The following GLIS1 variants were observed in gnomAD, a reference collection of about 807,000 sequenced individuals.
GLIS1 encodes the protein zinc finger protein GLIS1.
In GLIS1, 24 loss-of-function variants were observed where a neutral mutation model predicts 63.8. The observed-to-expected ratio is 0.38, with a 90% confidence interval of 0.27 to 0.53. GLIS1 has a LOEUF of 0.53. GLIS1 is among the 20% of genes least tolerant of loss of function. GLIS1 has a pLI of 0.85. For synonymous variants in GLIS1, 450 were observed against 482.5 expected (o/e 0.93, Z 0.88); for missense variants, 1,036 against 1,074.1 (o/e 0.96, Z 0.50).
chr1:53,679,549 T>C (rs1035091638), intron 2 of GLIS1, among the ~76,000 whole-genome samples: 1 of 152,168 alleles, frequency 6.6e-6, no homozygotes, highest in Non-Finnish European at 1.5e-5. Flanking sequence ...TGGCCCCTCC[T>C]GTTCGGGCCC....
chr1:53,692,616 C>T (rs1646418129), intron 2 of GLIS1, among the ~76,000 whole-genome samples: 1 of 152,198 alleles, frequency 6.6e-6, no homozygotes, highest in Admixed American at 6.5e-5. Flanking sequence ...TTCTCAGCCA[C>T]TGTGGGTGTA....
intron 2 of GLIS1, among the ~76,000 whole-genome samples, chr1:53,697,277 C>A (rs750946304): frequency 5.3e-5 from 8 of 152,236 alleles, no homozygotes; most frequent in Non-Finnish European, 1.0e-4. Context: ...GAGACTCCCC[C>A]TGCCTACTGG....
rs376038782 is a variant in GLIS1 at position 53,514,713 on chromosome 1, C to G, written c.1795G>C (p.Val599Leu). 1.9e-6 allele frequency: 3 copies of G among 1,613,190 alleles called. No individual in the cohort carries two copies. Among genetic ancestry groups the G allele is most frequent in the African/African-American group, 2.7e-5 (2 of 74,866 alleles). The change falls in exon 8 of 11, where the codon GTA (valine) becomes CTA (leucine). Residue 599 changes from valine to leucine, a missense_variant. Val to Leu is a conservative substitution (Grantham distance 32). Transcript: ENST00000628545. ...TCCAGCGGGTGGTGCCTGGAAGGTA[C>G]GTCGTGCGCTGGGGGCAGGAGGCCC... ...ASGLLPPAHD[V>L]PSRHHPLDAT...
chr1:53,623,503 T>C (rs1345588869), intron 2 of GLIS1, among the ~76,000 whole-genome samples: 2 of 152,188 alleles, frequency 1.3e-5, no homozygotes, highest in Non-Finnish European at 2.9e-5. Context: ...CCGCACTCAC[T>C]ACTTCTATTT....
At chr1:53,580,002 C>G (rs1569860254) in intron 4 of GLIS1, among the ~76,000 whole-genome samples, 1 of 152,192 alleles carries the variant, frequency 6.6e-6, no homozygotes, top group Non-Finnish European at 1.5e-5. Flanking sequence ...GAGACCAGAA[C>G]AAGGAAAATG....
chr1:53,730,617 G>A (rs1052761581), intron 2 of GLIS1, among the ~76,000 whole-genome samples: 9 of 152,122 alleles, frequency 5.9e-5, no homozygotes, highest in African/African-American at 1.9e-4. Context: ...TGGGCTGTAC[G>A]GCAGGCAGGG....
intron 4 of GLIS1, among the ~76,000 whole-genome samples, chr1:53,551,917 T>C (rs1644764029): frequency 6.6e-6 from 1 of 151,888 alleles, no homozygotes. Flanking sequence ...GACATACATG[T>C]ACCTAACTGC....
chr1:53,720,879 T>C (rs1320681227), intron 2 of GLIS1, among the ~76,000 whole-genome samples: 2 of 152,036 alleles, frequency 1.3e-5, no homozygotes, highest in African/African-American at 4.8e-5. Context: ...GAGTCTGTAG[T>C]CCCAGCTACC....
chr1:53,622,748 C>T (rs1012942081), intron 2 of GLIS1, among the ~76,000 whole-genome samples: 5 of 152,164 alleles, frequency 3.3e-5, no homozygotes, highest in African/African-American at 1.2e-4. Flanking sequence ...GATTCTCCCC[C>T]GGAGCCTCCA....
intron 8 of GLIS1, among the ~76,000 whole-genome samples, chr1:53,512,961 C>T (rs1569719287): frequency 2.0e-5 from 3 of 152,142 alleles, no homozygotes; most frequent in Admixed American, 6.5e-5. Flanking sequence ...GGCGTGTGTA[C>T]GGCCCTCACC....
intron 4 of GLIS1, among the ~76,000 whole-genome samples, chr1:53,590,804 G>GA (rs34220755): frequency 0.39 from 59,566 of 151,970 alleles, 12,383 homozygotes; most frequent in East Asian, 0.58. Context: ...GTGGGGGATG[G>GA]TGATGCCATT....
At chr1:53,711,554 G>A (rs1374155949) in intron 2 of GLIS1, among the ~76,000 whole-genome samples, 3 of 152,134 alleles carry the variant, frequency 2.0e-5, no homozygotes, top group East Asian at 1.9e-4. Context: ...CTCGGGCCCC[G>A]GGGTCCGCCA....
intron 2 of GLIS1, among the ~76,000 whole-genome samples, chr1:53,609,383 G>A (rs1008931555): frequency 7.5e-6 from 1 of 132,888 alleles, no homozygotes; most frequent in Non-Finnish European, 1.5e-5. Context: ...AAGCAATTCT[G>A]CCTCAGCCTC....
intron 1 of GLIS1, 101 bp from the exon 2 acceptor site, chr1:53,738,207 C>T: frequency 3.1e-6 from 2 of 654,940 alleles, no homozygotes; most frequent in Non-Finnish European, 4.3e-6. Flanking sequence ...CGGTGGATTG[C>T]GCGTCTTTAA....
intron 2 of GLIS1, among the ~76,000 whole-genome samples, chr1:53,672,629 C>G (rs777914728): frequency 9.8e-5 from 15 of 152,344 alleles, no homozygotes; most frequent in South Asian, 2.1e-4. Context: ...GACAACAGGG[C>G]TTCTCTGCCA....
chr1:53,519,615 G>A (rs1644386104), intron 7 of GLIS1, among the ~76,000 whole-genome samples: 1 of 152,162 alleles, frequency 6.6e-6, no homozygotes, highest in Non-Finnish European at 1.5e-5. Flanking sequence ...AAGCCACAAA[G>A]CCAGGAATTC....
intron 2 of GLIS1, among the ~76,000 whole-genome samples, chr1:53,656,145 C>T (rs12031794): frequency 0.22 from 33,841 of 152,072 alleles, 3,984 homozygotes; most frequent in East Asian, 0.37. Context: ...AGAGGAAGCA[C>T]GGGGCAAAGG....
intron 2 of GLIS1, among the ~76,000 whole-genome samples, chr1:53,693,664 G>A (rs902427058): frequency 2.0e-5 from 3 of 151,878 alleles, no homozygotes; most frequent in African/African-American, 2.4e-5. Flanking sequence ...CCTCGGGGTC[G>A]CCAAGGGTGT....
At chr1:53,712,138 C>A (rs1360833400) in intron 2 of GLIS1, among the ~76,000 whole-genome samples, 1 of 152,206 alleles carries the variant, frequency 6.6e-6, no homozygotes, top group African/African-American at 2.4e-5. Flanking sequence ...CTGGCAACAC[C>A]AAATTCCTCC....
Sources: gnomAD v4.1 joint callset for allele counts (sites outside exome capture counted in the v4.1 genomes callset) on GRCh38, gnomAD v4.1.1 for gene constraint, MANE v1.5 for transcripts, NCBI Gene and HGNC (gene_info 2026-07-23, HGNC 2026-07-21) for gene names.